Variants in NSUN7 observed in about 807,000 individuals in gnomAD.
The protein encoded by NSUN7 is NOP2/Sun RNA methyltransferase family member 7, also known as protein NSUN7.
A neutral mutation model predicts 58.5 loss-of-function variants in NSUN7; 39 were observed. The observed-to-expected ratio is 0.67, with a 90% CI of 0.52 to 0.87. The LOEUF (loss-of-function observed/expected upper bound fraction) is 0.87, where lower values mean the gene tolerates loss of function less well. Ranked by LOEUF, NSUN7 falls within the 40% of genes least tolerant of loss-of-function variation. The pLI is 0.00. For synonymous variants in NSUN7, 278 were observed against 303.7 expected (o/e 0.92, Z 0.88); for missense variants, 765 against 844.1 (o/e 0.91, Z 1.16).
In NSUN7 at chr4:40,776,206, C is replaced by T; in HGVS notation, c.983C>T (p.Ser328Leu). 6.2e-7 allele frequency: 1 copy of T among 1,611,610 alleles called. No homozygotes were observed. The highest frequency in any genetic ancestry group is 8.5e-7 in the Non-Finnish European group (1 of 1,179,240). ...TSKVFVCGVQSQAKDPDLKTL... is the reference protein window; with the variant it reads ...TSKVFVCGVQLQAKDPDLKTL... ...AAAGTATTTGTGTGTGGAGTACAATCACAAGCTAAGGATCCTGACTTGAAG... is the reference window on the plus strand; with the variant it reads ...AAAGTATTTGTGTGTGGAGTACAATTACAAGCTAAGGATCCTGACTTGAAG... The change falls in exon 7 of 12, where the codon TCA becomes TTA. Residue 328 changes from serine to leucine, a missense_variant. Physicochemically the swap from Ser to Leu is moderately radical, Grantham distance 145. Coordinates refer to ENST00000381782, the MANE Select transcript of NSUN7 (RefSeq NM_024677.6).
rs1158076636 is a variant in NSUN7 at position 40,754,042 on chromosome 4, A to G, written c.298+3051A>G. ...AGCAGCATAAAAATGGACTAATACA[A>G]CAGTCTTGCTTTAAATTATCAGTAA... is the stretch of plus-strand genomic sequence containing the variant. On this transcript the variant is annotated intron_variant, in intron 2 of 11. Transcript: ENST00000381782. Among the ~76,000 whole-genome samples, 7 of 152,306 alleles carry G rather than the reference A, an allele frequency of 4.6e-5. No individual in the cohort carries two copies. The East Asian group carries it at 1.3e-3, about 29-fold the overall frequency.
At chr4:40,760,548 G>A (rs1239448469) in intron 3 of NSUN7, 56 bp downstream of exon 3, 6 of 1,373,886 alleles carry the variant, frequency 4.4e-6, no homozygotes, top group African/African-American at 1.5e-5. Flanking sequence ...AAAAAAGAAA[G>A]TGTTTAAAAG....
rs1158233125 is a variant in NSUN7 at position 40,774,405 on chromosome 4, C to T, written c.629C>T (p.Thr210Ile). The change falls in exon 5 of 12, where the codon ACT becomes ATT. Residue 210 changes from threonine to isoleucine, a missense_variant. Coordinates refer to ENST00000381782, the MANE Select transcript of NSUN7 (RefSeq NM_024677.6). ...TTACCACTTTATGCTTGGATAAATA[C>T]TTGTAAAATCAGGTAAGTGTTTAAA... The part of the protein sequence containing the change: ...STLPLYAWIN[T>I]CKISPEEVYN... 4.3e-6 allele frequency: 7 copies of T among 1,612,624 alleles called. No homozygotes were observed. The highest frequency in any genetic ancestry group is 5.9e-6 in the Non-Finnish European group (7 of 1,179,196).
At position 40,808,342 on chromosome 4, in the gene NSUN7, T is replaced by C. The variant is rs1743950061; in HGVS notation, c.1560T>C (p.Val520=). The C allele has an allele frequency of 6.2e-7, 1 of 1,613,960 alleles. No homozygotes were observed. Among genetic ancestry groups the C allele is most frequent in the East Asian group, 2.2e-5 (1 of 44,874 alleles). ...DPSETVSVND[V]LARAAAKGLL... ...CTGAGACAGTGTCTGTGAATGATGT[T>C]TTGGCCCGAGCTGCAGCCAAGGGTC... The change falls in exon 12 of 12, where the codon GTT becomes GTC. Residue 520 remains valine (V), a synonymous_variant. Transcript: ENST00000381782.
chr4:40,769,858 T>G (rs1281223059), intron 4 of NSUN7, among the ~76,000 whole-genome samples: 6 of 152,180 alleles, frequency 3.9e-5, no homozygotes, highest in Non-Finnish European at 8.8e-5. Context: ...GATGACTGAT[T>G]TTACATTTTT....
At chr4:40,785,759 C>T (rs1348203673) in intron 7 of NSUN7, among the ~76,000 whole-genome samples, 1 of 152,238 alleles carries the variant, frequency 6.6e-6, no homozygotes, top group African/African-American at 2.4e-5. Context: ...TGTAAAAATA[C>T]ATGTTAACAT....
In NSUN7 at chr4:40,794,426, T is replaced by C; in HGVS notation, c.1232T>C (p.Leu411Pro). The change falls in exon 9 of 12, where the codon CTT (leucine) becomes CCT (proline). Residue 411 changes from leucine (L) to proline (P), a missense_variant. Transcript: ENST00000381782. ...CAAGGAGGCATCTCAGTGGACAAAC[T>C]TCACGTTCTTGCTCAACAGCAGTAT... ...HSQGGISVDK[L>P]HVLAQQQYEQ... 5 of 1,613,044 alleles carry C rather than the reference T, an allele frequency of 3.1e-6. No homozygotes were observed. Among genetic ancestry groups the C allele is most frequent in the Non-Finnish European group, 4.2e-6 (5 of 1,179,278 alleles).
chr4:40,804,230 A>G (rs1327860684), intron 10 of NSUN7, among the ~76,000 whole-genome samples: 3 of 152,148 alleles, frequency 2.0e-5, no homozygotes, highest in Non-Finnish European at 2.9e-5. Context: ...ACCTAAGGTC[A>G]GGAGTTCGAG....
rs1460195148 is a variant in NSUN7, at chr4:40,808,470, A to G, written c.1688A>G (p.Gln563Arg). The G allele has an allele frequency of 2.5e-6, 4 of 1,583,014 alleles. No individual in the cohort carries two copies. In the Admixed American group the frequency reaches 5.4e-5, roughly 22 times the overall value. The change falls in exon 12 of 12, where the codon CAA (glutamine) becomes CGA (arginine). Residue 563 changes from glutamine (Q) to arginine (R), a missense_variant. Physicochemically the swap from Gln to Arg is conservative, Grantham distance 43. Coordinates refer to ENST00000381782, the MANE Select transcript of NSUN7 (RefSeq NM_024677.6). Reference sequence around the variant, plus strand: ...GGTGCCACTACTGATAATGGCATCCAAATGAAAATTGCTGAGTTCCTGAAT... The same window carrying G: ...GGTGCCACTACTGATAATGGCATCCGAATGAAAATTGCTGAGTTCCTGAAT... ...TKGATTDNGI[Q>R]MKIAEFLNRE...
intron 7 of NSUN7, among the ~76,000 whole-genome samples, chr4:40,780,788 TACAC>T (rs1327604513): frequency 0.015 from 1,341 of 89,088 alleles, 14 homozygotes; most frequent in African/African-American, 0.027. Flanking sequence ...CACACACACA[TACAC>T]ATATATATAT....
rs1256170159 is a variant in NSUN7, at chr4:40,750,960, G to A, written c.267G>A (p.Leu89=). The A allele has an allele frequency of 6.2e-7, 1 of 1,613,998 alleles. No individual in the cohort carries two copies. Among genetic ancestry groups the A allele is most frequent in the Non-Finnish European group, 8.5e-7 (1 of 1,179,986 alleles). Reference sequence around the variant, plus strand: ...CTGAGGATCAGTCCTTTCAGCGTTTGTCTTATGAGCTGGCTTTCAGTGCCC... The same window carrying A: ...CTGAGGATCAGTCCTTTCAGCGTTTATCTTATGAGCTGGCTTTCAGTGCCC... The part of the protein sequence containing the change: ...SESEDQSFQR[L]SYELAFSALK... The change falls in exon 2 of 12, where the codon TTG becomes TTA. Residue 89 remains leucine, a synonymous_variant. Coordinates refer to ENST00000381782, the MANE Select transcript of NSUN7 (RefSeq NM_024677.6).
At chr4:40,781,246 TG>T (rs1742551704) in intron 7 of NSUN7, among the ~76,000 whole-genome samples, 1 of 152,020 alleles carries the variant, frequency 6.6e-6, no homozygotes, top group Non-Finnish European at 1.5e-5. Flanking sequence ...AGTAAAGACA[TG>T]CTATGTTGGC....
chr4:40,755,925 T>C (rs1741122423), intron 2 of NSUN7, among the ~76,000 whole-genome samples: 1 of 152,204 alleles, frequency 6.6e-6, no homozygotes, highest in Admixed American at 6.5e-5. Context: ...GAATGAAGCA[T>C]TGTCAACTAG....
At chr4:40,803,951 AC>A (rs1743712005) in intron 10 of NSUN7, among the ~76,000 whole-genome samples, 1 of 152,148 alleles carries the variant, frequency 6.6e-6, no homozygotes, top group African/African-American at 2.4e-5. Context: ...AGTCCTAGCT[AC>A]TCAGGAGGTC....
intron 2 of NSUN7, among the ~76,000 whole-genome samples, chr4:40,751,784 A>C (rs775555012): frequency 3.3e-5 from 5 of 152,156 alleles, no homozygotes; most frequent in Non-Finnish European, 7.3e-5. Flanking sequence ...GATTGAGCTC[A>C]GGCGTTAAAG....
intron 8 of NSUN7, among the ~76,000 whole-genome samples, chr4:40,791,682 G>A (rs571016842): frequency 6.6e-6 from 1 of 152,244 alleles, no homozygotes; most frequent in African/African-American, 2.4e-5. Context: ...AGAAAAAGAA[G>A]ACACCCCACA....
Position 40,809,166 on chromosome 4 carries a change from G to C in NSUN7, c.*227G>C. The C allele has an allele frequency of 2.2e-6, 1 of 462,242 alleles. No homozygotes were observed. The highest frequency in any genetic ancestry group is 4.2e-5 in the South Asian group (1 of 23,668). The allele number at this position is 462,242 out of a possible 1,614,324, so 28.6% of individuals were successfully genotyped here. Reference sequence around the variant, plus strand: ...TCAGCCAATCACTGCTGCTCTGAGAGGATCCAGTTAGAGACTCAGTATCAG... The same window carrying C: ...TCAGCCAATCACTGCTGCTCTGAGACGATCCAGTTAGAGACTCAGTATCAG... On this transcript the variant is annotated 3_prime_UTR_variant, in exon 12 of 12. Transcript: ENST00000381782.
At chr4:40,763,905 C>T (rs1053526604) in intron 4 of NSUN7, among the ~76,000 whole-genome samples, 5 of 152,012 alleles carry the variant, frequency 3.3e-5, no homozygotes, top group East Asian at 3.9e-4. Context: ...TCACATTGTA[C>T]TCAATTCACG....
intron 4 of NSUN7, among the ~76,000 whole-genome samples, chr4:40,773,851 G>GA (rs1379231150): frequency 3.9e-5 from 6 of 152,038 alleles, no homozygotes; most frequent in Admixed American, 3.9e-4. Flanking sequence ...GCCCAGGCTG[G>GA]AGTGGAGTGG....
Sources: gnomAD v4.1 joint callset for allele counts (sites outside exome capture counted in the v4.1 genomes callset) on GRCh38, gnomAD v4.1.1 for gene constraint, MANE v1.5 for transcripts, NCBI Gene and HGNC (gene_info 2026-07-23, HGNC 2026-07-21) for gene names.